Variants in FSHR observed in about 807,000 individuals in gnomAD.
FSHR encodes follicle-stimulating hormone receptor.
FSHR carries 46 observed loss-of-function variants against 52.1 expected under a neutral mutation model. The ratio of observed to expected loss-of-function variants is 0.88; its 90% CI spans 0.70 to 1.13. The LOEUF (loss-of-function observed/expected upper bound fraction) is 1.13. Among genes scored for constraint, FSHR ranks in the 50% most tolerant of loss-of-function variants. FSHR has a pLI of 0.00. For synonymous variants in FSHR, 399 were observed against 309.6 expected (o/e 1.29, Z -3.03); for missense variants, 964 against 834.6 (o/e 1.16, Z -1.91).
chr2:49,014,752 T>C (rs1667419868), intron 4 of FSHR: 2 of 287,182 alleles, frequency 7.0e-6, no homozygotes, highest in Admixed American at 5.1e-5. Flanking sequence ...TAGGGATATC[T>C]ATGTGAAGAG....
chr2:48,980,082 G>T (rs987668897), intron 8 of FSHR, among the ~76,000 whole-genome samples: 1 of 152,188 alleles, frequency 6.6e-6, no homozygotes, highest in African/African-American at 2.4e-5. Flanking sequence ...AGGGGGAGAG[G>T]CTTGAAGAAC....
chr2:49,085,835 A>G (rs1390176057), intron 1 of FSHR, among the ~76,000 whole-genome samples: 1 of 152,130 alleles, frequency 6.6e-6, no homozygotes, highest in East Asian at 1.9e-4. Flanking sequence ...AAAGCTGGAA[A>G]CCATCATTCT....
chr2:49,095,757 G>T (rs558983478), intron 1 of FSHR, among the ~76,000 whole-genome samples: 2 of 152,192 alleles, frequency 1.3e-5, no homozygotes, highest in East Asian at 3.9e-4. Flanking sequence ...ATGAAGAACT[G>T]GTACAACCCA....
chr2:49,076,088 A>T (rs1225066593), intron 1 of FSHR, among the ~76,000 whole-genome samples: 1 of 152,242 alleles, frequency 6.6e-6, no homozygotes, highest in Non-Finnish European at 1.5e-5. Context: ...CCCCTAAAAA[A>T]ATAAGGTCAG....
At chr2:48,982,437 G>T (rs570041489) in intron 8 of FSHR, among the ~76,000 whole-genome samples, 44 of 152,282 alleles carry the variant, frequency 2.9e-4, no homozygotes, top group African/African-American at 9.6e-4. Context: ...GAGTGTTGAG[G>T]ATGATGGAGA....
intron 1 of FSHR, among the ~76,000 whole-genome samples, chr2:49,119,385 T>TG (rs983166205): frequency 5.3e-5 from 8 of 150,682 alleles, no homozygotes; most frequent in Non-Finnish European, 8.8e-5. Context: ...TCTTTGTTTT[T>TG]TTTTTGTTTT....
intron 2 of FSHR, among the ~76,000 whole-genome samples, chr2:49,021,849 CTCTCTCTCTCTCTCTATATATATA>C (rs1558395188): frequency 3.1e-5 from 1 of 32,544 alleles, no homozygotes; most frequent in African/African-American, 1.3e-4. Flanking sequence ...CTCTCTCTCT[CTCTCTCTCTCTCTCTATATATATA>C]TATATATATA....
intron 1 of FSHR, among the ~76,000 whole-genome samples, chr2:49,135,340 A>C (rs983493223): frequency 6.6e-6 from 1 of 152,184 alleles, no homozygotes; most frequent in Non-Finnish European, 1.5e-5. Flanking sequence ...AAATATGTCA[A>C]AATTAACCAG....
intron 2 of FSHR, among the ~76,000 whole-genome samples, chr2:49,056,390 A>G (rs1341238915): frequency 1.3e-5 from 2 of 150,770 alleles, no homozygotes; most frequent in African/African-American, 2.4e-5. Flanking sequence ...AGAGACACAA[A>G]TTAACATTAT....
intron 2 of FSHR, among the ~76,000 whole-genome samples, chr2:49,034,487 T>C (rs1033167806): frequency 6.6e-6 from 1 of 152,222 alleles, no homozygotes; most frequent in Admixed American, 6.5e-5. Context: ...TTCCACTTGC[T>C]TATTAGTAGT....
chr2:48,963,921 T>G lies in FSHR; in HGVS notation c.900A>C (p.Glu300Asp). The change falls in exon 10 of 10, where the codon GAA becomes GAC. Residue 300 changes from glutamate (E) to aspartate (D), a missense_variant. Glu to Asp is a conservative substitution (Grantham distance 45). Transcript: ENST00000406846. ...CCCTAGCCTGAGTCATATAATCAAC[T>G]TCTTGCCTTAAAATAGATTTGTTGC... is the stretch of plus-strand genomic sequence containing the variant. The part of the protein sequence containing the change: ...PICNKSILRQ[E>D]VDYMTQARGQ... The G allele has an allele frequency of 6.2e-7, 1 of 1,613,944 alleles. No homozygotes were observed. Among genetic ancestry groups the G allele is most frequent in the African/African-American group, 1.3e-5 (1 of 75,034 alleles).
intron 1 of FSHR, among the ~76,000 whole-genome samples, chr2:49,148,232 T>C (rs1384188411): frequency 1.3e-5 from 2 of 151,986 alleles, no homozygotes; most frequent in Non-Finnish European, 2.9e-5. Flanking sequence ...TATTCAACTT[T>C]TAACTCAGTA....
chr2:49,133,242 A>G (rs1672359527), intron 1 of FSHR, among the ~76,000 whole-genome samples: 1 of 152,122 alleles, frequency 6.6e-6, no homozygotes, highest in Non-Finnish European at 1.5e-5. Context: ...CCTTCTTCTG[A>G]CCAAGCCACA....
chr2:49,119,041 C>T (rs542159493), intron 1 of FSHR, among the ~76,000 whole-genome samples: 1 of 152,284 alleles, frequency 6.6e-6, no homozygotes, highest in South Asian at 2.1e-4. Context: ...GGATCCAGGT[C>T]CTACCAGCGT....
At chr2:49,085,214 C>T (rs1670329283) in intron 1 of FSHR, among the ~76,000 whole-genome samples, 1 of 152,190 alleles carries the variant, frequency 6.6e-6, no homozygotes, top group South Asian at 2.1e-4. Context: ...TAAATGTAAT[C>T]CAGCATATAA....
chr2:49,153,909 A>T (rs138336625), intron 1 of FSHR, among the ~76,000 whole-genome samples: 7 of 152,104 alleles, frequency 4.6e-5, no homozygotes, highest in Non-Finnish European at 8.8e-5. Flanking sequence ...TCTGCCTCCA[A>T]TTCTGGGTCT....
intron 1 of FSHR, among the ~76,000 whole-genome samples, chr2:49,099,139 C>T (rs191252931): frequency 3.5e-4 from 53 of 152,022 alleles, no homozygotes; most frequent in Admixed American, 3.3e-4. Context: ...AAGTCTTTGA[C>T]ATGGTTTAAA....
rs772002611 is a variant in FSHR, at chr2:48,962,716, C to T, written c.*17G>A. On this transcript the variant is annotated 3_prime_UTR_variant, in exon 10 of 10. Transcript: ENST00000406846. ...TGAATTATCATTCAATACTCAGATA[C>T]ATTTTCACATTGTGTTTTAGTTTTG... The T allele has an allele frequency of 2.5e-6, 4 of 1,610,052 alleles. No homozygotes were observed. Among genetic ancestry groups the T allele is most frequent in the Non-Finnish European group, 1.7e-6 (2 of 1,176,330 alleles).
intron 1 of FSHR, among the ~76,000 whole-genome samples, chr2:49,122,936 A>G (rs964980375): frequency 1.3e-5 from 2 of 152,144 alleles, no homozygotes; most frequent in East Asian, 1.9e-4. Flanking sequence ...ACTGGAGTCT[A>G]TCTGCCTAGC....
Sources: gnomAD v4.1 joint callset for allele counts (sites outside exome capture counted in the v4.1 genomes callset) on GRCh38, gnomAD v4.1.1 for gene constraint, MANE v1.5 for transcripts, NCBI Gene and HGNC (gene_info 2026-07-23, HGNC 2026-07-21) for gene names.